The following CHSY1 variants were observed in gnomAD, a reference collection of about 807,000 sequenced individuals.
The protein encoded by CHSY1 is N-acetylgalactosaminyl-proteoglycan 3-beta-glucuronosyltransferase 1.
Under a neutral mutation model 59.8 loss-of-function variants are expected in CHSY1, and 13 were observed. The ratio of observed to expected loss-of-function variants is 0.22; its 90% CI spans 0.14 to 0.35. The LOEUF (loss-of-function observed/expected upper bound fraction) is 0.35, where lower values mean the gene tolerates loss of function less well. Among genes scored for constraint, CHSY1 ranks in the 10% least tolerant of loss-of-function variants. The pLI is 1.00. For synonymous variants in CHSY1, 459 were observed against 401.2 expected (o/e 1.14, Z -1.72); for missense variants, 947 against 1,030.6 (o/e 0.92, Z 1.11).
chr15:101,192,430 C>T (rs2038456287), intron 2 of CHSY1, among the ~76,000 whole-genome samples: 1 of 151,932 alleles, frequency 6.6e-6, no homozygotes, highest in African/African-American at 2.4e-5. Context: ...CCTACCCCCA[C>T]CTCCTACCCC....
chr15:101,213,165 A>T (rs1391798635), intron 2 of CHSY1, among the ~76,000 whole-genome samples: 1 of 152,326 alleles, frequency 6.6e-6, no homozygotes, highest in East Asian at 1.9e-4. Flanking sequence ...GCAACCATGA[A>T]TATAAATCTA....
At chr15:101,182,953 G>A (rs1596424250) in intron 2 of CHSY1, among the ~76,000 whole-genome samples, 2 of 152,254 alleles carry the variant, frequency 1.3e-5, no homozygotes, top group South Asian at 4.1e-4. Context: ...AAACAACGCA[G>A]TGAACAGAAG....
intron 2 of CHSY1, among the ~76,000 whole-genome samples, chr15:101,197,987 T>G (rs1408407264): frequency 6.6e-6 from 1 of 152,152 alleles, no homozygotes; most frequent in Non-Finnish European, 1.5e-5. Flanking sequence ...AGGATTTGTT[T>G]CCGTCACGTC....
rs780349909 is a variant in CHSY1, at chr15:101,251,254, G to A, written c.203C>T (p.Ala68Val). Residue 68 changes from alanine (A) to valine (V), a missense_variant, in exon 1 of 3, where the codon GCG becomes GTG. Transcript: ENST00000254190. ...AGGARGDARG[A>V]QLWPPGSDPD... Reference sequence around the variant, plus strand: ...GTCCGAGCCGGGCGGCCAGAGCTGCGCCCCGCGCGCATCGCCGCGCGCCCC... The same window carrying A: ...GTCCGAGCCGGGCGGCCAGAGCTGCACCCCGCGCGCATCGCCGCGCGCCCC... The A allele has an allele frequency of 1.6e-5, 22 of 1,405,726 alleles. No homozygotes were observed. In the East Asian group the frequency reaches 5.4e-4, roughly 34 times the overall value. The allele number at this position is 1,405,726 out of a possible 1,614,324, so 87.1% of individuals were successfully genotyped here. A position where few individuals can be genotyped will look rare whatever the true frequency, so the allele number is the denominator to read the frequency against.
At chr15:101,182,159 A>G (rs12593856) in intron 2 of CHSY1, among the ~76,000 whole-genome samples, 2,719 of 152,312 alleles carry the variant, frequency 0.018, 39 homozygotes, top group East Asian at 0.1. Context: ...TTCTTGTAAT[A>G]TTATGACTTT....
intron 2 of CHSY1, chr15:101,188,105 G>C (rs944904493): frequency 1.0e-6 from 1 of 985,232 alleles, no homozygotes; most frequent in Non-Finnish European, 1.2e-6. Context: ...CCTTCAGCAC[G>C]TACACGGTTC....
At chr15:101,238,843 A>G (rs1392150942) in intron 1 of CHSY1, among the ~76,000 whole-genome samples, 2 of 152,260 alleles carry the variant, frequency 1.3e-5, no homozygotes, top group Non-Finnish European at 2.9e-5. Context: ...TATGCTCCTG[A>G]AGAAAAAGGA....
intron 2 of CHSY1, among the ~76,000 whole-genome samples, chr15:101,193,352 G>C (rs1596434102): frequency 6.6e-6 from 1 of 152,248 alleles, no homozygotes; most frequent in African/African-American, 2.4e-5. Context: ...AAAACCTGAG[G>C]GAGACCAGAC....
intron 1 of CHSY1, among the ~76,000 whole-genome samples, chr15:101,248,088 G>A (rs2039068962): frequency 2.0e-5 from 3 of 152,122 alleles, no homozygotes; most frequent in South Asian, 4.1e-4. Context: ...ATAAGATGAA[G>A]AATGAATTTA....
intron 2 of CHSY1, among the ~76,000 whole-genome samples, chr15:101,189,746 C>T (rs144689930): frequency 2.6e-5 from 4 of 152,356 alleles, no homozygotes; most frequent in South Asian, 4.1e-4. Context: ...CATTCAACGC[C>T]GTGTTAACGT....
intron 2 of CHSY1, among the ~76,000 whole-genome samples, chr15:101,179,730 T>C (rs562350365): frequency 7.9e-5 from 12 of 152,350 alleles, no homozygotes; most frequent in Non-Finnish European, 1.2e-4. Context: ...CAGAAAATGC[T>C]GGCAGATGGG....
intron 2 of CHSY1, among the ~76,000 whole-genome samples, chr15:101,185,124 G>C (rs2038338404): frequency 6.6e-6 from 1 of 152,276 alleles, no homozygotes; most frequent in Non-Finnish European, 1.5e-5. Flanking sequence ...AATGGCTTTG[G>C]TGTAGAGGTA....
chr15:101,194,401 G>C (rs993674478), intron 2 of CHSY1, among the ~76,000 whole-genome samples: 1 of 152,176 alleles, frequency 6.6e-6, no homozygotes, highest in African/African-American at 2.4e-5. Flanking sequence ...ATTTCAGTAG[G>C]CTAGGCAGCA....
intron 1 of CHSY1, among the ~76,000 whole-genome samples, chr15:101,235,995 A>G (rs1429596479): frequency 6.6e-6 from 1 of 152,236 alleles, no homozygotes; most frequent in African/African-American, 2.4e-5. Flanking sequence ...GCTAAGCTAA[A>G]GGGATGTGGT....
chr15:101,216,809 G>A (rs893614999), intron 2 of CHSY1, among the ~76,000 whole-genome samples: 2 of 152,156 alleles, frequency 1.3e-5, no homozygotes, highest in Admixed American at 1.3e-4. Context: ...TGTAATGGTG[G>A]ACACATAACA....
chr15:101,217,309 A>G (rs2038743903), intron 2 of CHSY1, among the ~76,000 whole-genome samples: 1 of 152,220 alleles, frequency 6.6e-6, no homozygotes, highest in Non-Finnish European at 1.5e-5. Context: ...ATTCATGCTT[A>G]GCTTAATATA....
At chr15:101,190,523 A>T (rs540013650) in intron 2 of CHSY1, among the ~76,000 whole-genome samples, 1 of 152,350 alleles carries the variant, frequency 6.6e-6, no homozygotes, top group South Asian at 2.1e-4. Flanking sequence ...TAAAGAAAAC[A>T]GAGGAGAAAA....
At position 101,235,551 on chromosome 15, in the gene CHSY1, T is replaced by C. The variant is rs1355834742; in HGVS notation, c.347A>G (p.Lys116Arg). 3 of 1,611,836 alleles carry C rather than the reference T, an allele frequency of 1.9e-6. No homozygotes were observed. Among genetic ancestry groups the C allele is most frequent in the African/African-American group, 1.3e-5 (1 of 75,036 alleles). The change falls in exon 2 of 3, where the codon AAA becomes AGA. Residue 116 changes from lysine to arginine, a missense_variant. This residue lies in a region of CHSY1 where 232 missense variants were observed against 188.5 expected (regional missense o/e 1.23). Transcript: ENST00000254190. ...ACCCTCACTTGAGAAGAACTGAACT[T>C]TCCCAGGAATTGTCTTGGACCATGT... Reference protein sequence around the residue: ...YRTWSKTIPGKVQFFSSEGSD... With the variant: ...YRTWSKTIPGRVQFFSSEGSD...
chr15:101,194,066 C>G lies in CHSY1; in HGVS notation c.817-15086G>C, dbSNP rs74439203. ...GGGCAAAGTGGGATCCAAAGGCCAC[C>G]AGCATCTTTTAAAAGTGAAAGTGAC... On this transcript the variant is annotated intron_variant, in intron 2 of 2. Transcript: ENST00000254190. 4.0e-3 allele frequency among the ~76,000 whole-genome samples: 605 copies of G among 152,372 alleles called. 2 individuals are homozygous for G. Among genetic ancestry groups the G allele is most frequent in the African/African-American group, 0.013 (555 of 41,592 alleles).
Sources: gnomAD v4.1 joint callset for allele counts (sites outside exome capture counted in the v4.1 genomes callset) on GRCh38, gnomAD v4.1.1 for gene constraint, gnomAD v4.1.1 regional missense constraint, MANE v1.5 for transcripts, NCBI Gene and HGNC (gene_info 2026-07-23, HGNC 2026-07-21) for gene names.